The following ZNF626 variants were observed in gnomAD, a reference collection of about 807,000 sequenced individuals.
ZNF626 encodes CTC-513N18.7.
A neutral mutation model predicts 11.7 loss-of-function variants in ZNF626; 4 were observed. The ratio of observed to expected loss-of-function variants is 0.34; its 90% CI spans 0.17 to 0.78. The LOEUF is 0.78. Among genes scored for constraint, ZNF626 ranks in the 30% least tolerant of loss-of-function variants. ZNF626 has a pLI of 0.57. For missense variants in ZNF626, 588 were observed against 587.1 expected (o/e 1.00, Z -0.01); for synonymous variants, 179 against 198.6 (o/e 0.90, Z 0.83).
At chr19:20,643,160 G>A (rs75495471) in intron 3 of ZNF626, among the ~76,000 whole-genome samples, 203 of 152,228 alleles carry the variant, frequency 1.3e-3, no homozygotes, top group Admixed American at 1.9e-3. Flanking sequence ...AGATTCTAAT[G>A]AGAAACTTAA....
intron 1 of ZNF626, among the ~76,000 whole-genome samples, 187 bp downstream of exon 1, chr19:20,661,257 C>T (rs8103242): frequency 0.037 from 5,582 of 152,260 alleles, 336 homozygotes; most frequent in African/African-American, 0.13. Context: ...ACAAGACGCC[C>T]GGGTGCCGGC....
At chr19:20,640,123 C>T (rs1970006931) in intron 3 of ZNF626, among the ~76,000 whole-genome samples, 1 of 150,412 alleles carries the variant, frequency 6.6e-6, no homozygotes. Context: ...ATATCAACAC[C>T]GATAAAATAA....
chr19:20,654,082 T>C (rs1970177813), intron 1 of ZNF626, among the ~76,000 whole-genome samples: 1 of 152,176 alleles, frequency 6.6e-6, no homozygotes, highest in South Asian at 2.1e-4. Flanking sequence ...TAGATATAAA[T>C]ATCTAAGTAT....
At chr19:20,629,840 CATCCCT>C (rs1305281416) in intron 3 of ZNF626, among the ~76,000 whole-genome samples, 2 of 152,190 alleles carry the variant, frequency 1.3e-5, no homozygotes, top group African/African-American at 4.8e-5. Context: ...TGAGAGAGGG[CATCCCT>C]GTCTTGTGCC....
chr19:20,638,714 TCTATAA>T (rs1386995631), intron 3 of ZNF626, among the ~76,000 whole-genome samples: 11 of 151,968 alleles, frequency 7.2e-5, no homozygotes, highest in African/African-American at 2.7e-4. Context: ...GTAGCAGAAA[TCTATAA>T]CTATAATATT....
chr19:20,631,591 A>T, intron 3 of ZNF626, among the ~76,000 whole-genome samples: 1 of 126,314 alleles, frequency 7.9e-6, no homozygotes, highest in African/African-American at 3.5e-5. Context: ...CTGTTTTATC[A>T]GAGACTAGGA....
chr19:20,659,950 C>T (rs1451044518), intron 1 of ZNF626, among the ~76,000 whole-genome samples: 2 of 151,912 alleles, frequency 1.3e-5, no homozygotes, highest in Non-Finnish European at 2.9e-5. Context: ...GGAGACTCCC[C>T]AGAAAAAAAT....
rs1969758417 is a variant in ZNF626 at position 20,621,569 on chromosome 19, A to G, written c.*2721T>C. On this transcript the variant is annotated 3_prime_UTR_variant, in exon 4 of 4. Transcript: ENST00000601440. ...AAAGGATAAATGCTAGAGGTGACAG[A>G]TACCTTATTTACCCTAATGTAATTA... 6.6e-6 allele frequency: 1 copy of G among 152,222 alleles called. No individual in the cohort carries two copies. The highest frequency in any genetic ancestry group is 1.5e-5 in the Non-Finnish European group (1 of 68,038). 9.4% of individuals were successfully genotyped at this position (152,222 alleles called of 1,614,324 possible). A position where few individuals can be genotyped will look rare whatever the true frequency, so the allele number is the denominator to read the frequency against.
At chr19:20,654,994 C>T (rs1970189170) in intron 1 of ZNF626, among the ~76,000 whole-genome samples, 1 of 151,814 alleles carries the variant, frequency 6.6e-6, no homozygotes, top group African/African-American at 2.4e-5. Flanking sequence ...TGCCTGTAAA[C>T]CCAGCTACTC....
intron 3 of ZNF626, among the ~76,000 whole-genome samples, chr19:20,631,795 G>A: frequency 6.6e-6 from 1 of 151,592 alleles, no homozygotes; most frequent in African/African-American, 2.4e-5. Flanking sequence ...TACATTTAAA[G>A]TTAATATTGT....
intron 3 of ZNF626, among the ~76,000 whole-genome samples, chr19:20,627,204 G>C (rs141973331): frequency 1.3e-5 from 2 of 151,972 alleles, no homozygotes; most frequent in Non-Finnish European, 2.9e-5. Flanking sequence ...ACATGAAAAA[G>C]CTGAAGAAAC....
In ZNF626 at chr19:20,661,527, T is replaced by G. The variant is rs1460685871; in HGVS notation, c.-81A>C. 1.5e-6 allele frequency: 2 copies of G among 1,379,244 alleles called. No individual in the cohort carries two copies. The highest frequency in any genetic ancestry group is 9.7e-7 in the Non-Finnish European group (1 of 1,031,672). 85.4% of individuals were successfully genotyped at this position (1,379,244 alleles called of 1,614,324 possible). On this transcript the variant is annotated 5_prime_UTR_variant, in exon 1 of 4. Coordinates refer to ENST00000601440, the MANE Select transcript of ZNF626 (RefSeq NM_001076675.3). ...GACACGGGGCCACACAGCCTGGGCC[T>G]TTAGGAGAAGAACCAGACCTGGAGC...
intron 3 of ZNF626, among the ~76,000 whole-genome samples, chr19:20,642,570 T>C (rs1298312267): frequency 2.6e-5 from 4 of 152,056 alleles, no homozygotes; most frequent in African/African-American, 7.3e-5. Flanking sequence ...CACTTTAGCC[T>C]GAGCAACATG....
intron 3 of ZNF626, among the ~76,000 whole-genome samples, chr19:20,636,859 A>G (rs1471418522): frequency 7.9e-5 from 12 of 152,050 alleles, no homozygotes; most frequent in Admixed American, 6.5e-4. Flanking sequence ...CGTTTGTACT[A>G]AAAGTGCAAA....
chr19:20,641,154 CAACACAGGACCTGG>C (rs1300289465), intron 3 of ZNF626, among the ~76,000 whole-genome samples: 6 of 144,468 alleles, frequency 4.2e-5, no homozygotes, highest in Admixed American at 3.4e-4. Flanking sequence ...AAAAAAAAAG[CAACACAGGACCTGG>C]AAGACATATT....
intron 3 of ZNF626, among the ~76,000 whole-genome samples, chr19:20,634,667 A>G (rs1315350054): frequency 6.6e-6 from 1 of 152,328 alleles, no homozygotes; most frequent in East Asian, 1.9e-4. Context: ...TCGAAAAAGG[A>G]GTAATATTGT....
At chr19:20,643,560 C>T (rs1322262172) in intron 3 of ZNF626, among the ~76,000 whole-genome samples, 2 of 151,842 alleles carry the variant, frequency 1.3e-5, no homozygotes, top group African/African-American at 4.8e-5. Context: ...TCTAAAATTA[C>T]AAATTTGAAA....
chr19:20,650,238 A>T (rs1555772442), intron 1 of ZNF626, among the ~76,000 whole-genome samples: 1 of 143,294 alleles, frequency 7.0e-6, no homozygotes, highest in Non-Finnish European at 1.5e-5. Context: ...CTCTGCCATC[A>T]AATTTGTTAA....
intron 3 of ZNF626, among the ~76,000 whole-genome samples, chr19:20,627,736 A>C (rs1402799868): frequency 1.3e-5 from 2 of 152,186 alleles, no homozygotes; most frequent in African/African-American, 4.8e-5. Flanking sequence ...AAAAAGACTG[A>C]AAGTGGCAAG....
Sources: allele counts gnomAD v4.1 joint callset (sites outside exome capture counted in the v4.1 genomes callset), GRCh38; gene constraint gnomAD v4.1.1; transcripts MANE v1.5; gene names NCBI Gene and HGNC (gene_info 2026-07-23, HGNC 2026-07-21).